The following TENT4B variants were observed in gnomAD, a reference collection of about 807,000 sequenced individuals.
The protein encoded by TENT4B is PAP associated domain containing 5.
A neutral mutation model predicts 75.0 loss-of-function variants in TENT4B; 10 were observed. That is an observed-to-expected ratio of 0.13 (90% CI 0.08 to 0.23). TENT4B has a LOEUF of 0.23. Among genes scored for constraint, TENT4B ranks in the 10% least tolerant of loss-of-function variants. The probability of loss-of-function intolerance (pLI) is 1.00; values close to 1 mark genes in which losing one functional copy is unlikely to be tolerated. For missense variants in TENT4B, 579 were observed against 893.8 expected, an observed-to-expected ratio of 0.65 and a Z score of 4.49; for synonymous variants, 350 against 357.7, an observed-to-expected ratio of 0.98 and a Z score of 0.24.
intron 1 of TENT4B, among the ~76,000 whole-genome samples, chr16:50,158,380 C>G (rs1198468653): frequency 6.6e-6 from 1 of 152,220 alleles, no homozygotes; most frequent in Non-Finnish European, 1.5e-5. Flanking sequence ...AGCCACCATG[C>G]CTGGCCTGGC....
At chr16:50,160,296 T>C (rs1488160991) in intron 1 of TENT4B, among the ~76,000 whole-genome samples, 1 of 151,664 alleles carries the variant, frequency 6.6e-6, no homozygotes, top group Non-Finnish European at 1.5e-5. Context: ...GTGTTTGGAC[T>C]TTTTTTTTCC....
intron 1 of TENT4B, among the ~76,000 whole-genome samples, chr16:50,199,844 C>T (rs764818549): frequency 6.6e-6 from 1 of 152,076 alleles, no homozygotes; most frequent in Non-Finnish European, 1.5e-5. Context: ...TTGTGTTTTC[C>T]ATACTGGTCT....
At chr16:50,226,495 G>C (rs905273335) in intron 10 of TENT4B, among the ~76,000 whole-genome samples, 1 of 151,850 alleles carries the variant, frequency 6.6e-6, no homozygotes, top group Non-Finnish European at 1.5e-5. Flanking sequence ...GCAGTGGCGC[G>C]ATCTTGGCTC....
Position 50,153,753 on chromosome 16 carries a change from C to T in TENT4B, c.132C>T (p.Gly44=), listed in dbSNP as rs1446381355. 2 of 1,067,736 alleles carry T rather than the reference C, an allele frequency of 1.9e-6. No individual in the cohort carries two copies. The highest frequency in any genetic ancestry group is 2.3e-6 in the Non-Finnish European group (2 of 884,158). The allele number at this position is 1,067,736 out of a possible 1,614,324, so 66.1% of individuals were successfully genotyped here. ...ACCACCACTGTCACAGCAGCGGCGG[C>T]GCGAGCGGCGGCGGCGGCAGCAGCA... is the stretch of plus-strand genomic sequence containing the variant. The part of the protein sequence containing the change: ...YFNHHCHSSG[G]ASGGGGSSSS... The change falls in exon 1 of 12, where the codon GGC becomes GGT. Residue 44 remains glycine (G), a synonymous_variant. Coordinates refer to ENST00000561678, the MANE Select transcript of TENT4B (RefSeq NM_001365324.3).
At chr16:50,228,075 T>C (rs1260641967) in intron 11 of TENT4B, 72 bp downstream of exon 11, 1 of 1,523,880 alleles carries the variant, frequency 6.6e-7, no homozygotes, top group Non-Finnish European at 8.9e-7. Flanking sequence ...ATGTAAATAA[T>C]ATGCAGCATG....
intron 1 of TENT4B, among the ~76,000 whole-genome samples, chr16:50,186,608 GAAT>G (rs1370484564): frequency 6.6e-6 from 1 of 152,122 alleles, no homozygotes; most frequent in Non-Finnish European, 1.5e-5. Flanking sequence ...CCTAGGAGTG[GAAT>G]TGCTGGATCA....
At chr16:50,156,661 T>C (rs2037907247) in intron 1 of TENT4B, among the ~76,000 whole-genome samples, 1 of 151,648 alleles carries the variant, frequency 6.6e-6, no homozygotes, top group African/African-American at 2.4e-5. Flanking sequence ...CCTGATTTCT[T>C]TTTTTTCTTT....
intron 1 of TENT4B, among the ~76,000 whole-genome samples, chr16:50,181,327 C>CT (rs1160792279): frequency 0.051 from 7,345 of 143,980 alleles, 222 homozygotes; most frequent in East Asian, 0.091. Context: ...TGGATTTGAA[C>CT]TTTTTTTTTT....
Position 50,232,183 on chromosome 16 carries a change from C to T in TENT4B, c.*2855C>T. 1 of 985,240 alleles carries T rather than the reference C, an allele frequency of 1.0e-6. No homozygotes were observed. The highest frequency in any genetic ancestry group is 1.2e-6 in the Non-Finnish European group (1 of 829,850). 61.0% of individuals were successfully genotyped at this position (985,240 alleles called of 1,614,324 possible). ...GATGATAAAAGTATATCCATTTTTT[C>T]CCTCCAGCTTTAAGGTGACTGTGAA... is the stretch of plus-strand genomic sequence containing the variant. On this transcript the variant is annotated 3_prime_UTR_variant, in exon 12 of 12. Transcript: ENST00000561678.
chr16:50,224,609 A>C (rs769917962), intron 7 of TENT4B, 48 bp from the exon 8 acceptor site: 3 of 1,608,818 alleles, frequency 1.9e-6, no homozygotes, highest in Admixed American at 1.7e-5. Flanking sequence ...CATTTAGTGC[A>C]TATTAAGCAC....
At chr16:50,197,465 T>G (rs1249193201) in intron 1 of TENT4B, among the ~76,000 whole-genome samples, 1 of 152,146 alleles carries the variant, frequency 6.6e-6, no homozygotes, top group African/African-American at 2.4e-5. Flanking sequence ...ATTTTTGTAT[T>G]TTTTGTAGAC....
chr16:50,188,094 G>A (rs546180020), intron 1 of TENT4B, among the ~76,000 whole-genome samples: 2 of 152,226 alleles, frequency 1.3e-5, no homozygotes, highest in South Asian at 4.1e-4. Flanking sequence ...AAGAAAATAA[G>A]TTTACAAGTT....
intron 2 of TENT4B, among the ~76,000 whole-genome samples, chr16:50,212,931 T>TTATC (rs1316997676): frequency 1.3e-5 from 2 of 152,120 alleles, no homozygotes; most frequent in Non-Finnish European, 2.9e-5. Context: ...TGGAGGTTGA[T>TTATC]TATCTATCTA....
chr16:50,176,421 A>T (rs2038310466), intron 1 of TENT4B, among the ~76,000 whole-genome samples: 1 of 151,790 alleles, frequency 6.6e-6, no homozygotes, highest in Admixed American at 6.6e-5. Context: ...ATTGAAAAAA[A>T]AATCCACATA....
chr16:50,183,320 A>G (rs1423150737), intron 1 of TENT4B, among the ~76,000 whole-genome samples: 1 of 151,946 alleles, frequency 6.6e-6, no homozygotes, highest in Non-Finnish European at 1.5e-5. Flanking sequence ...CTGGGATTAC[A>G]GGTGTGAGCC....
chr16:50,197,864 A>G (rs2030375833), intron 1 of TENT4B, among the ~76,000 whole-genome samples: 1 of 152,178 alleles, frequency 6.6e-6, no homozygotes, highest in Non-Finnish European at 1.5e-5. Context: ...GTCTGTTTAC[A>G]TCTCCATTTT....
Position 50,153,642 on chromosome 16 carries a change from G to C in TENT4B, c.21G>C (p.Trp7Cys). The C allele has an allele frequency of 3.0e-6, 3 of 1,008,832 alleles. No individual in the cohort carries two copies. Among genetic ancestry groups the C allele is most frequent in the Non-Finnish European group, 3.5e-6 (3 of 846,352 alleles). 62.5% of individuals were successfully genotyped at this position (1,008,832 alleles called of 1,614,324 possible). Residue 7 changes from tryptophan (W) to cysteine (C), a missense_variant, in exon 1 of 12, where the codon TGG becomes TGC. Coordinates refer to ENST00000561678, the MANE Select transcript of TENT4B (RefSeq NM_001365324.3). ...GTTTGATGGATCCGAGGATCGCCTG[G>C]TTTCAGCCAGAGCAGCTCGGACCGT... MDPRIA[W>C]FQPEQLGPSN...
chr16:50,230,855 AT>A lies in TENT4B; in HGVS notation c.*1528del. On this transcript the variant is annotated 3_prime_UTR_variant, in exon 12 of 12. Transcript: ENST00000561678. ...GCTTTCTTTCAGGGTGAAAGCTCTT[AT>A]GTTTAGCATCAATGTGTATGGCTCT... 1.0e-5 allele frequency: 10 copies of A among 985,638 alleles called. No individual in the cohort carries two copies. The highest frequency in any genetic ancestry group is 1.2e-5 in the Non-Finnish European group (10 of 829,758). The allele number at this position is 985,638 out of a possible 1,614,324, so 61.1% of individuals were successfully genotyped here.
At chr16:50,218,971 G>GT (rs1356526589) in intron 5 of TENT4B, among the ~76,000 whole-genome samples, 2 of 149,320 alleles carry the variant, frequency 1.3e-5, no homozygotes, top group South Asian at 2.1e-4. Flanking sequence ...CTTCTTTTTT[G>GT]TTTTTTAAGA....
Sources: allele counts gnomAD v4.1 joint callset (sites outside exome capture counted in the v4.1 genomes callset), GRCh38; gene constraint gnomAD v4.1.1; transcripts MANE v1.5; gene names NCBI Gene and HGNC (gene_info 2026-07-23, HGNC 2026-07-21).